The following ASXL2 variants were observed in gnomAD, a reference collection of about 807,000 sequenced individuals.
ASXL2 encodes the protein ASXL transcriptional regulator 2, also known as putative Polycomb group protein ASXL2.
Under a neutral mutation model 122.0 loss-of-function variants are expected in ASXL2, and 23 were observed. The observed-to-expected ratio is 0.19, with a 90% CI of 0.14 to 0.27. ASXL2 has a LOEUF of 0.27. Ranked by LOEUF, ASXL2 falls within the 10% of genes least tolerant of loss-of-function variation. The pLI is 1.00. For missense variants in ASXL2, 1,518 were observed against 1,713.8 expected (o/e 0.89, Z 2.02); for synonymous variants, 650 against 637.0 (o/e 1.02, Z -0.31).
intron 5 of ASXL2, among the ~76,000 whole-genome samples, chr2:25,780,673 T>G (rs542230994): frequency 2.6e-5 from 4 of 152,352 alleles, no homozygotes; most frequent in East Asian, 3.9e-4. Flanking sequence ...TTTTGTATTT[T>G]TGACAGCTTA....
intron 1 of ASXL2, among the ~76,000 whole-genome samples, 174 bp from the exon 2 acceptor site, chr2:25,845,737 T>C (rs964491355): frequency 1.3e-5 from 2 of 152,168 alleles, no homozygotes; most frequent in Non-Finnish European, 2.9e-5. Context: ...TCACTACCTG[T>C]GACCTACTGC....
At position 25,871,401 on chromosome 2, in the gene ASXL2, C is replaced by T. The variant is rs568676410; in HGVS notation, c.57+6765G>A. ...TGCAAACCTGAGGTTATTTTCTCAA[C>T]GCCTTTCAGAATTCTACAAGAGATG... On this transcript the variant is annotated intron_variant, in intron 1 of 12. Transcript: ENST00000435504. Among the ~76,000 whole-genome samples the T allele has an allele frequency of 4.3e-4, 65 of 152,240 alleles. 1 individual carries two copies. The highest frequency in any genetic ancestry group is 1.5e-3 in the African/African-American group (63 of 41,552).
intron 1 of ASXL2, among the ~76,000 whole-genome samples, chr2:25,865,516 C>T (rs561632921): frequency 6.6e-6 from 1 of 150,916 alleles, no homozygotes; most frequent in African/African-American, 2.4e-5. Flanking sequence ...GCCTGTAATC[C>T]CAGCACTTTG....
At chr2:25,756,137 G>A (rs2088128422) in intron 9 of ASXL2, 23 bp from the exon 10 acceptor site, 3 of 1,491,896 alleles carry the variant, frequency 2.0e-6, no homozygotes, top group Non-Finnish European at 2.7e-6. Context: ...ATAAGCCAAG[G>A]AAAGCTTACA....
chr2:25,877,983 C>G (rs1280627270), intron 1 of ASXL2, among the ~76,000 whole-genome samples, 183 bp downstream of exon 1: 1 of 152,192 alleles, frequency 6.6e-6, no homozygotes, highest in Non-Finnish European at 1.5e-5. Context: ...GCGGCTATCA[C>G]GTTCCGCCGG....
At chr2:25,810,778 G>C in intron 3 of ASXL2, 1 of 531,974 alleles carries the variant, frequency 1.9e-6, no homozygotes, top group South Asian at 1.7e-5. Flanking sequence ...ATTTTGTTGA[G>C]ATTTAAGTCA....
Position 25,759,758 on chromosome 2 carries a change from C to T in ASXL2, c.776-113G>A, listed in dbSNP as rs77209229. 1,461 of 1,099,988 alleles carry T rather than the reference C, an allele frequency of 1.3e-3. 9 individuals are homozygous for T. In the African/African-American group the frequency reaches 0.02, roughly 15 times the overall value. The allele number at this position is 1,099,988 out of a possible 1,614,324, so 68.1% of individuals were successfully genotyped here. On this transcript the variant is annotated intron_variant, in intron 8 of 12. Coordinates refer to ENST00000435504, the MANE Select transcript of ASXL2 (RefSeq NM_018263.6). ...CACAATTGTAAGCATTTAAATATCA[C>T]ACTACGAAGAAGGTAACACTTAAGA...
chr2:25,751,656 G>GA (rs1202581543), intron 11 of ASXL2, among the ~76,000 whole-genome samples: 2 of 150,390 alleles, frequency 1.3e-5, no homozygotes, highest in East Asian at 1.9e-4. Flanking sequence ...AAGAAAAAGA[G>GA]AAAAAAAAGG....
At chr2:25,851,583 T>C (rs2089715889) in intron 1 of ASXL2, among the ~76,000 whole-genome samples, 1 of 152,260 alleles carries the variant, frequency 6.6e-6, no homozygotes, top group Non-Finnish European at 1.5e-5. Flanking sequence ...ATGTTTACAC[T>C]TAAATGTAGC....
intron 5 of ASXL2, among the ~76,000 whole-genome samples, chr2:25,787,042 A>G (rs2088759812): frequency 6.6e-6 from 1 of 152,130 alleles, no homozygotes; most frequent in Non-Finnish European, 1.5e-5. Flanking sequence ...ATAAGTAGAC[A>G]ATCATAAAAC....
At chr2:25,750,614 C>A (rs907969035) in intron 11 of ASXL2, among the ~76,000 whole-genome samples, 1 of 152,076 alleles carries the variant, frequency 6.6e-6, no homozygotes, top group East Asian at 1.9e-4. Context: ...TGATACCTAC[C>A]GTCCGTGTGA....
chr2:25,756,466 A>AG (rs1491305817), intron 9 of ASXL2, among the ~76,000 whole-genome samples: 5,286 of 80,822 alleles, frequency 0.065, 166 homozygotes, highest in African/African-American at 0.13. Flanking sequence ...AAAAAAAAAG[A>AG]AAAAAAAAAG....
intron 1 of ASXL2, among the ~76,000 whole-genome samples, chr2:25,852,502 A>G (rs2089727864): frequency 6.6e-6 from 1 of 152,208 alleles, no homozygotes; most frequent in South Asian, 2.1e-4. Context: ...AAATGTCCAA[A>G]TAAGTAACAC....
Position 25,749,829 on chromosome 2 carries a change from T to A in ASXL2, c.1727A>T (p.Glu576Val). The change falls in exon 12 of 13, where the codon GAG (glutamate) becomes GTG (valine). Residue 576 changes from glutamate to valine, a missense_variant. By Grantham distance (121) the Glu-to-Val change is moderately radical. Coordinates refer to ENST00000435504, the MANE Select transcript of ASXL2 (RefSeq NM_018263.6). ...CCTCTTCTCCCAGCTCACAGGGGCC[T>A]CTTCTTGGGTGAGGGAAGACTTCCT... Reference protein sequence around the residue: ...LKRKSSLTQEEAPVSWEKRPR... With the variant: ...LKRKSSLTQEVAPVSWEKRPR... 6.2e-7 allele frequency: 1 copy of A among 1,609,624 alleles called. No homozygotes were observed. Among genetic ancestry groups the A allele is most frequent in the East Asian group, 2.2e-5 (1 of 44,844 alleles).
chr2:25,767,867 A>AC, intron 7 of ASXL2, 141 bp from the exon 8 acceptor site: 1 of 964,008 alleles, frequency 1.0e-6, no homozygotes, highest in East Asian at 2.5e-5. Context: ...TTTGAAAATT[A>AC]AAGTCAAAGA....
At chr2:25,808,915 C>A (rs2089123445) in intron 3 of ASXL2, among the ~76,000 whole-genome samples, 1 of 152,188 alleles carries the variant, frequency 6.6e-6, no homozygotes, top group South Asian at 2.1e-4. Context: ...GATCAGCAAA[C>A]TGCCAGCCCA....
At chr2:25,750,769 A>G (rs372298679) in intron 11 of ASXL2, among the ~76,000 whole-genome samples, 2 of 152,350 alleles carry the variant, frequency 1.3e-5, no homozygotes, top group African/African-American at 4.8e-5. Flanking sequence ...AATAGTAGTT[A>G]TTATTACTTC....
At chr2:25,796,357 G>T (rs2088910726) in intron 5 of ASXL2, among the ~76,000 whole-genome samples, 1 of 152,128 alleles carries the variant, frequency 6.6e-6, no homozygotes, top group Non-Finnish European at 1.5e-5. Context: ...TTTTGCTCTG[G>T]AACATGTCAG....
intron 8 of ASXL2, among the ~76,000 whole-genome samples, chr2:25,766,857 G>A (rs1029052547): frequency 4.6e-5 from 7 of 152,006 alleles, no homozygotes; most frequent in African/African-American, 1.7e-4. Flanking sequence ...CTCCTGCTGG[G>A]GTAAGGCATC....
Sources: gnomAD v4.1 joint callset for allele counts (sites outside exome capture counted in the v4.1 genomes callset) on GRCh38, gnomAD v4.1.1 for gene constraint, MANE v1.5 for transcripts, NCBI Gene and HGNC (gene_info 2026-07-23, HGNC 2026-07-21) for gene names.